SNX13: variants seen among roughly 807,000 people sequenced by gnomAD.
The protein encoded by SNX13 is sorting nexin 13, also known as sorting nexin-13.
Under a neutral mutation model 133.6 loss-of-function variants are expected in SNX13, and 45 were observed. The observed-to-expected ratio is 0.34, with a 90% CI of 0.27 to 0.43. The LOEUF (loss-of-function observed/expected upper bound fraction) is 0.43. SNX13 is among the 20% of genes least tolerant of loss of function. SNX13 has a pLI of 1.00. For missense variants in SNX13, 1,032 were observed against 1,145.1 expected (o/e 0.90, Z 1.43); for synonymous variants, 414 against 373.9 (o/e 1.11, Z -1.24).
chr7:17,814,952 G>GAAAAAAAAAAAAAAAAAAAAA lies in SNX13; in HGVS notation c.1954-9_1954-8insTTTTTTTTTTTTTTTTTTTTT. 1 of 989,056 alleles carries GAAAAAAAAAAAAAAAAAAAAA rather than the reference G, an allele frequency of 1.0e-6. No individual in the cohort carries two copies. The highest frequency in any genetic ancestry group is 1.3e-6 in the Non-Finnish European group (1 of 758,552). The allele number at this position is 989,056 out of a possible 1,614,324, so 61.3% of individuals were successfully genotyped here. ...TTCAGGAGCTAACAGTAACTAACAAGAAAAAAAAAAAAAAGAAGAGATTAT... is the reference window on the plus strand; with the variant it reads ...TTCAGGAGCTAACAGTAACTAACAAGAAAAAAAAAAAAAAAAAAAAAAAAAAAAAAAAAAAGAAGAGATTAT... On this transcript the variant is annotated splice_polypyrimidine_tract_variant and intron_variant, in intron 19 of 25. Transcript: ENST00000428135.
At chr7:17,813,412 T>C (rs1360696213) in intron 20 of SNX13, among the ~76,000 whole-genome samples, 1 of 152,162 alleles carries the variant, frequency 6.6e-6, no homozygotes, top group Non-Finnish European at 1.5e-5. Flanking sequence ...TTCCCCTCCA[T>C]TGTAAGGTCC....
At chr7:17,871,138 T>G (rs921944004) in intron 8 of SNX13, among the ~76,000 whole-genome samples, 1 of 151,978 alleles carries the variant, frequency 6.6e-6, no homozygotes, top group African/African-American at 2.4e-5. Flanking sequence ...CCCGAGTAGC[T>G]GGGATGACAG....
chr7:17,810,436 G>A (rs558020701), intron 20 of SNX13, among the ~76,000 whole-genome samples: 2 of 152,058 alleles, frequency 1.3e-5, no homozygotes, highest in East Asian at 3.9e-4. Context: ...TCGAATCCCT[G>A]AAGAGACCAA....
intron 1 of SNX13, among the ~76,000 whole-genome samples, chr7:17,917,677 G>C (rs1222823369): frequency 6.6e-6 from 1 of 151,962 alleles, no homozygotes; most frequent in Non-Finnish European, 1.5e-5. Flanking sequence ...AAAAATCCAT[G>C]GTCATGGAAT....
At chr7:17,911,538 C>A (rs749890831) in intron 1 of SNX13, among the ~76,000 whole-genome samples, 2 of 151,266 alleles carry the variant, frequency 1.3e-5, no homozygotes, top group Non-Finnish European at 2.9e-5. Context: ...GCTCTGGAGG[C>A]TAAGGCAGGA....
At chr7:17,864,036 C>T (rs569006885) in intron 9 of SNX13, among the ~76,000 whole-genome samples, 1 of 152,166 alleles carries the variant, frequency 6.6e-6, no homozygotes, top group African/African-American at 2.4e-5. Flanking sequence ...TCCCTTTTGA[C>T]TTCATGAAAA....
chr7:17,804,151 G>A (rs1337567399), intron 20 of SNX13, among the ~76,000 whole-genome samples: 2 of 151,974 alleles, frequency 1.3e-5, no homozygotes, highest in African/African-American at 4.8e-5. Flanking sequence ...ATAAGCTTTG[G>A]CTGCCTTCTT....
At chr7:17,826,731 A>G (rs1035513271) in intron 16 of SNX13, among the ~76,000 whole-genome samples, 5 of 152,258 alleles carry the variant, frequency 3.3e-5, no homozygotes, top group South Asian at 2.1e-4. Flanking sequence ...ATAAATTCCT[A>G]TTGACTGACT....
At chr7:17,833,951 TG>T (rs749296638) in intron 15 of SNX13, 100 bp downstream of exon 15, 56 of 835,366 alleles carry the variant, frequency 6.7e-5, no homozygotes, top group Non-Finnish European at 9.2e-5. Flanking sequence ...AGTTTATATT[TG>T]GACTCCAACA....
Position 17,839,899 on chromosome 7 carries a change from G to T in SNX13, c.1267C>A (p.Arg423Ser). 1 of 1,611,960 alleles carries T rather than the reference G, an allele frequency of 6.2e-7. No homozygotes were observed. Among genetic ancestry groups the T allele is most frequent in the South Asian group, 1.1e-5 (1 of 90,988 alleles). Reference sequence around the variant, plus strand: ...GTTTGATGTTTTCCATCTCTCTGACGACTTAATAAAACTTCTAGCTGCTGT... The same window carrying T: ...GTTTGATGTTTTCCATCTCTCTGACTACTTAATAAAACTTCTAGCTGCTGT... ...AQQQLEVLLSRQRDGKHQTNQ... is the reference protein window; with the variant it reads ...AQQQLEVLLSSQRDGKHQTNQ... Residue 423 changes from arginine (R) to serine (S), a missense_variant, in exon 13 of 26, where the codon CGT (arginine) becomes AGT (serine). By Grantham distance (110) the Arg-to-Ser change is moderately radical (BLOSUM62 -1). Coordinates refer to ENST00000428135, the MANE Select transcript of SNX13 (RefSeq NM_015132.5).
intron 9 of SNX13, among the ~76,000 whole-genome samples, chr7:17,862,537 A>G (rs1292797024): frequency 6.6e-6 from 1 of 152,136 alleles, no homozygotes; most frequent in Admixed American, 6.6e-5. Flanking sequence ...TTTCTAAAGA[A>G]TGGGATATTT....
chr7:17,919,050 G>A (rs973417411), intron 1 of SNX13, among the ~76,000 whole-genome samples: 3 of 152,084 alleles, frequency 2.0e-5, no homozygotes, highest in Non-Finnish European at 2.9e-5. Flanking sequence ...GGGTACACAC[G>A]GACACAAAGA....
chr7:17,879,281 T>C (rs1176632609), intron 5 of SNX13: 1 of 152,286 alleles, frequency 6.6e-6, no homozygotes, highest in Non-Finnish European at 1.5e-5. Context: ...ATATTCACAG[T>C]GCAGCCTCAA....
intron 5 of SNX13, chr7:17,888,754 G>A (rs1385452507): frequency 2.1e-6 from 1 of 470,538 alleles, no homozygotes; most frequent in Non-Finnish European, 4.4e-6. Context: ...CAAAATATTA[G>A]TTGAATAAGA....
intron 1 of SNX13, among the ~76,000 whole-genome samples, chr7:17,911,378 C>T (rs942840970): frequency 6.6e-6 from 1 of 152,156 alleles, no homozygotes; most frequent in Non-Finnish European, 1.5e-5. Flanking sequence ...GTGATTCATG[C>T]CTATAATCCC....
chr7:17,918,157 T>C (rs903941845), intron 1 of SNX13, among the ~76,000 whole-genome samples: 2 of 151,786 alleles, frequency 1.3e-5, no homozygotes, highest in African/African-American at 4.8e-5. Context: ...CAAAATGAAT[T>C]AAAGACCTAA....
chr7:17,835,904 G>C (rs1789080569), intron 13 of SNX13, among the ~76,000 whole-genome samples: 1 of 151,816 alleles, frequency 6.6e-6, no homozygotes, highest in East Asian at 1.9e-4. Context: ...TCGGGGGGTA[G>C]TAGAGTTGCC....
chr7:17,925,896 C>A (rs968374303), intron 1 of SNX13, among the ~76,000 whole-genome samples: 1 of 152,130 alleles, frequency 6.6e-6, no homozygotes, highest in Admixed American at 6.5e-5. Flanking sequence ...TGAATTAGAA[C>A]CTGGTTCTAA....
At chr7:17,802,480 A>T (rs1423029297) in intron 21 of SNX13, among the ~76,000 whole-genome samples, 1 of 152,154 alleles carries the variant, frequency 6.6e-6, no homozygotes, top group Non-Finnish European at 1.5e-5. Context: ...GATTGTCAAG[A>T]CCATCTCAAG....
Sources: allele counts gnomAD v4.1 joint callset (sites outside exome capture counted in the v4.1 genomes callset), GRCh38; gene constraint gnomAD v4.1.1; transcripts MANE v1.5; gene names NCBI Gene and HGNC (gene_info 2026-07-23, HGNC 2026-07-21).